The following KIF27 variants were observed in gnomAD, a reference collection of about 807,000 sequenced individuals.
KIF27 encodes kinesin family member 27, also known as kinesin-like protein KIF27.
KIF27 carries 84 observed loss-of-function variants against 141.8 expected under a neutral mutation model. The observed-to-expected ratio is 0.59, with a 90% CI of 0.50 to 0.71. The LOEUF (loss-of-function observed/expected upper bound fraction) is 0.71. KIF27 is among the 30% of genes least tolerant of loss of function. KIF27 has a pLI of 0.00. For missense variants in KIF27, 1,306 were observed against 1,628.4 expected (o/e 0.80, Z 3.41); for synonymous variants, 471 against 569.5 (o/e 0.83, Z 2.46).
At chr9:83,907,842 C>T (rs1374692890) in intron 3 of KIF27, among the ~76,000 whole-genome samples, 1 of 152,176 alleles carries the variant, frequency 6.6e-6, no homozygotes, top group African/African-American at 2.4e-5. Context: ...CAAATTTAGC[C>T]TATATCACAG....
chr9:83,902,862 T>A lies in KIF27; in HGVS notation c.1458+198A>T, dbSNP rs11140288. 8.0e-3 allele frequency among the ~76,000 whole-genome samples: 1,211 copies of A among 152,166 alleles called. 31 individuals carry two copies. The highest frequency in any genetic ancestry group is 0.037 in the East Asian group (190 of 5,186). ...ACAAAGTAAGAGAGGCAAGTGGGAT[T>A]CCATATATAAATCATTTTTTAAAAA... On this transcript the variant is annotated intron_variant, in intron 4 of 17. Transcript: ENST00000297814.
In KIF27 at chr9:83,861,236, T is replaced by C. The variant is rs181772491; in HGVS notation, c.2935-1865A>G. Among the ~76,000 whole-genome samples the C allele has an allele frequency of 6.0e-3, 912 of 151,988 alleles. 10 individuals carry two copies. The highest frequency in any genetic ancestry group is 0.021 in the African/African-American group (866 of 41,418). On this transcript the variant is annotated intron_variant, in intron 13 of 17. Coordinates refer to ENST00000297814, the MANE Select transcript of KIF27 (RefSeq NM_017576.4). The stretch of plus-strand genomic sequence containing the variant: ...GGGTACATGTGCACAATGTGCAGGT[T>C]TGTTACATATGTATACATGGGCCAT...
At chr9:83,911,221 C>T (rs1267345582) in intron 2 of KIF27, among the ~76,000 whole-genome samples, 1 of 152,102 alleles carries the variant, frequency 6.6e-6, no homozygotes, top group Non-Finnish European at 1.5e-5. Flanking sequence ...CATGTGCCAC[C>T]ACATCAAGCT....
Position 83,835,968 on chromosome 9 carries a change from A to G in KIF27, c.*1033T>C, listed in dbSNP as rs1945784451. On this transcript the variant is annotated 3_prime_UTR_variant, in exon 18 of 18. Coordinates refer to ENST00000297814, the MANE Select transcript of KIF27 (RefSeq NM_017576.4). ...AAGTACAAACTACATTTGGTGTGCA[A>G]ACTGTTTAGTTCTTAATTCCAAACT... Among the ~76,000 whole-genome samples, 1 of 152,136 alleles carries G rather than the reference A, an allele frequency of 6.6e-6. No homozygotes were observed. Among genetic ancestry groups the G allele is most frequent in the Non-Finnish European group, 1.5e-5 (1 of 68,010 alleles).
At chr9:83,849,869 A>T (rs1033376927) in intron 16 of KIF27, among the ~76,000 whole-genome samples, 2 of 152,228 alleles carry the variant, frequency 1.3e-5, no homozygotes, top group African/African-American at 4.8e-5. Flanking sequence ...AGCAGTTCTT[A>T]TGTGCATACT....
chr9:83,845,008 C>T (rs1333636749), intron 16 of KIF27, among the ~76,000 whole-genome samples: 1 of 152,156 alleles, frequency 6.6e-6, no homozygotes, highest in Non-Finnish European at 1.5e-5. Flanking sequence ...GGAGAAGGCT[C>T]TGCAATAGGT....
At chr9:83,910,936 A>C (rs1955089012) in intron 2 of KIF27, among the ~76,000 whole-genome samples, 2 of 151,168 alleles carry the variant, frequency 1.3e-5, no homozygotes, top group Admixed American at 1.3e-4. Context: ...AGAATGGATA[A>C]ATAAAACACA....
At chr9:83,906,466 C>T (rs1954545400) in intron 3 of KIF27, among the ~76,000 whole-genome samples, 4 of 152,140 alleles carry the variant, frequency 2.6e-5, no homozygotes, top group Admixed American at 2.6e-4. Context: ...ATAGGCCAGG[C>T]ATGGTGGCTC....
At chr9:83,857,966 G>GT (rs373203891) in intron 14 of KIF27, among the ~76,000 whole-genome samples, 28,488 of 123,270 alleles carry the variant, frequency 0.23, 3,255 homozygotes, top group Non-Finnish European at 0.29. Flanking sequence ...AATACTTTGG[G>GT]TTTTTTTTTT....
intron 10 of KIF27, 145 bp from the exon 11 acceptor site, chr9:83,880,639 T>A (rs1025332571): frequency 1.5e-6 from 1 of 677,618 alleles, no homozygotes; most frequent in Admixed American, 3.1e-5. Context: ...AATTGCTTAC[T>A]ATCATACATT....
Position 83,883,855 on chromosome 9 carries a change from T to C in KIF27, c.2403A>G (p.Lys801=). 2.5e-6 allele frequency: 4 copies of C among 1,613,368 alleles called. No homozygotes were observed. The highest frequency in any genetic ancestry group is 3.4e-6 in the Non-Finnish European group (4 of 1,179,498). Residue 801 remains lysine, a synonymous_variant, in exon 10 of 18, where the codon AAA becomes AAG. Transcript: ENST00000297814. The part of the protein sequence containing the change: ...SDVAMKVKLQ[K]EFRKKMDAAK... ...CAGCATCCATCTTTTTACGAAACTC[T>C]TTCTGTAATTTTACCTTCATTGCAA...
chr9:83,842,339 C>G lies in KIF27; in HGVS notation c.3619G>C (p.Glu1207Gln), dbSNP rs1946670905. The change falls in exon 17 of 18, where the codon GAA (glutamate) becomes CAA (glutamine). Residue 1207 changes from glutamate (E) to glutamine (Q), a missense_variant. Physicochemically the swap from Glu to Gln is conservative, Grantham distance 29. Around this residue, in one of 4 missense-constraint regions of KIF27, gnomAD observed 148 missense variants for 250.9 expected, o/e 0.59. Transcript: ENST00000297814. Reference protein sequence around the residue: ...KTYEDKIQQLEKDLYFYKKTS... With the variant: ...KTYEDKIQQLQKDLYFYKKTS... Reference sequence around the variant, plus strand: ...TTCTTATAGAAATAAAGATCTTTTTCCAACTGCTGGATTTTATCTTCATAT... The same window carrying G: ...TTCTTATAGAAATAAAGATCTTTTTGCAACTGCTGGATTTTATCTTCATAT... 6 of 1,558,178 alleles carry G rather than the reference C, an allele frequency of 3.9e-6. No homozygotes were observed. The South Asian group carries it at 7.4e-5, about 19-fold the overall frequency.
chr9:83,875,229 G>C (rs1313682566), intron 11 of KIF27, among the ~76,000 whole-genome samples: 1 of 152,166 alleles, frequency 6.6e-6, no homozygotes, highest in Non-Finnish European at 1.5e-5. Flanking sequence ...ACAGATTCAT[G>C]GTGTTTTAAA....
intron 2 of KIF27, among the ~76,000 whole-genome samples, chr9:83,911,262 TCTCA>T (rs750866277): frequency 2.0e-5 from 3 of 152,090 alleles, no homozygotes; most frequent in Admixed American, 1.3e-4. Flanking sequence ...AGAGACAAGC[TCTCA>T]CTATGTTGCC....
chr9:83,903,504 T>C lies in KIF27; in HGVS notation c.1014A>G (p.Ala338=). The change falls in exon 4 of 18, where the codon GCA becomes GCG. Residue 338 remains alanine, a synonymous_variant. Coordinates refer to ENST00000297814, the MANE Select transcript of KIF27 (RefSeq NM_017576.4). ...SLNSLKYANR[A]RNIRNKPTVN... is the part of the protein sequence containing the mutation. ...CAGTGGGTTTGTTTCTAATGTTCCG[T>C]GCTCTGTTGGCATATTTGAGAGAAT... 1 of 1,614,142 alleles carries C rather than the reference T, an allele frequency of 6.2e-7. No homozygotes were observed. The highest frequency in any genetic ancestry group is 8.5e-7 in the Non-Finnish European group (1 of 1,180,018).
chr9:83,867,487 T>G (rs1025751283), intron 13 of KIF27, among the ~76,000 whole-genome samples, 197 bp downstream of exon 13: 1 of 133,604 alleles, frequency 7.5e-6, no homozygotes, highest in African/African-American at 2.8e-5. Context: ...ATCCGTAAGT[T>G]TAGCCTTTTG....
chr9:83,893,391 T>C (rs1187286322), intron 5 of KIF27, among the ~76,000 whole-genome samples: 1 of 152,120 alleles, frequency 6.6e-6, no homozygotes, highest in Non-Finnish European at 1.5e-5. Context: ...TTTACAAACA[T>C]TTGCCTTATT....
At chr9:83,843,743 C>T (rs1270529590) in intron 16 of KIF27, among the ~76,000 whole-genome samples, 1 of 152,104 alleles carries the variant, frequency 6.6e-6, no homozygotes, top group Non-Finnish European at 1.5e-5. Flanking sequence ...ATTTTTGAGA[C>T]AGCATCTCAC....
intron 9 of KIF27, 74 bp downstream of exon 9, chr9:83,886,967 T>C: frequency 4.2e-6 from 6 of 1,439,772 alleles, no homozygotes; most frequent in South Asian, 1.6e-5. Flanking sequence ...AAAACTAAAG[T>C]AACTGTTACC....
Sources: gnomAD v4.1 joint callset for allele counts (sites outside exome capture counted in the v4.1 genomes callset) on GRCh38, gnomAD v4.1.1 for gene constraint, gnomAD v4.1.1 regional missense constraint, MANE v1.5 for transcripts, NCBI Gene and HGNC (gene_info 2026-07-23, HGNC 2026-07-21) for gene names.